Variants in ALG13 observed in about 807,000 individuals in gnomAD.
ALG13 encodes the protein ALG13 UDP-N-acetylglucosaminyltransferase subunit.
ALG13 carries 11 observed loss-of-function variants against 87.8 expected under a neutral mutation model. That is an observed-to-expected ratio of 0.13 (90% CI 0.08 to 0.21). The LOEUF (loss-of-function observed/expected upper bound fraction) is 0.21. Among genes scored for constraint, ALG13 ranks in the 10% least tolerant of loss-of-function variants. ALG13 has a pLI of 1.00. For synonymous variants in ALG13, 320 were observed against 306.3 expected (o/e 1.04, Z -0.47); for missense variants, 756 against 866.1 (o/e 0.87, Z 1.60).
chrX:111,735,055 T>A lies in ALG13; in HGVS notation c.2462T>A (p.Leu821His). The change falls in exon 22 of 27, where the codon CTT becomes CAT. Residue 821 changes from leucine to histidine, a missense_variant. By Grantham distance (99) the Leu-to-His change is moderately conservative. Transcript: ENST00000394780. ...AACTATATTTTTGTATTAAAGTCTC[T>A]TCAGGACAGAAAGTCATGTTCTATG... The part of the protein sequence containing the change: ...STTASTANLS[L>H]QDRKSCSMSP... 1 of 1,165,665 alleles carries A rather than the reference T, an allele frequency of 8.6e-7. No individual in the cohort carries two copies. Among genetic ancestry groups the A allele is most frequent in the Non-Finnish European group, 1.2e-6 (1 of 856,723 alleles).
intron 3 of ALG13, among the ~76,000 whole-genome samples, chrX:111,695,638 G>A: frequency 8.9e-6 from 1 of 111,744 alleles, no homozygotes; most frequent in Non-Finnish European, 1.9e-5. Flanking sequence ...AGGTGGAAAT[G>A]GGGAAGAGAA....
intron 3 of ALG13, among the ~76,000 whole-genome samples, chrX:111,697,301 T>C (rs747464957): frequency 1.8e-5 from 2 of 111,805 alleles, no homozygotes; most frequent in African/African-American, 3.2e-5. Context: ...ATCTCAAGGA[T>C]AGGATTATAA....
chrX:111,746,838 C>G (rs988576018), intron 24 of ALG13, among the ~76,000 whole-genome samples: 1 of 111,860 alleles, frequency 8.9e-6, no homozygotes, highest in African/African-American at 3.2e-5. Context: ...TGCTCACCAA[C>G]GTTTATTGTC....
chrX:111,728,274 T>A lies in ALG13; in HGVS notation c.2337T>A (p.Asn779Lys). The A allele has an allele frequency of 8.3e-7, 1 of 1,211,555 alleles. No individual in the cohort carries two copies. Among genetic ancestry groups the A allele is most frequent in the South Asian group, 1.8e-5 (1 of 56,955 alleles). ...ATAGCTCAGGCAAACAGACTTTGAA[T>A]TTAGAGGAGGGCAATGGCCAGAGTG... ...RGHSSGKQTL[N>K]LEEGNGQSEN... Residue 779 changes from asparagine to lysine, a missense_variant, in exon 19 of 27, where the codon AAT (asparagine) becomes AAA (lysine). Around this residue, in one of 9 missense-constraint regions of ALG13, gnomAD observed 362 missense variants for 383.5 expected, o/e 0.94. Transcript: ENST00000394780.
chrX:111,703,320 C>T (rs1197197877), intron 3 of ALG13, among the ~76,000 whole-genome samples: 1 of 110,736 alleles, frequency 9.0e-6, no homozygotes, highest in Non-Finnish European at 1.9e-5. Context: ...TTTTTCTTCC[C>T]AATATTGTTG....
chrX:111,711,936 A>G (rs1423207019), intron 6 of ALG13, among the ~76,000 whole-genome samples: 1 of 111,942 alleles, frequency 8.9e-6, no homozygotes, highest in Non-Finnish European at 1.9e-5. Context: ...TAATCCCATC[A>G]ACCATAGACT....
chrX:111,681,285 C>T lies in ALG13; in HGVS notation c.67C>T (p.Pro23Ser). 8.2e-7 allele frequency: 1 copy of T among 1,212,230 alleles called. No homozygotes were observed. The change falls in exon 1 of 27, where the codon CCC becomes TCC. Residue 23 changes from proline to serine, a missense_variant. Physicochemically the swap from Pro to Ser is moderately conservative, Grantham distance 74 (BLOSUM62 -1). Coordinates refer to ENST00000394780, the MANE Select transcript of ALG13 (RefSeq NM_001099922.3). ...CGACCTCATTGCGTGTGTGTCGGCG[C>T]CCGACAGTCTGCAAGTGAGTGAGGG... is the stretch of plus-strand genomic sequence containing the variant. ...FDDLIACVSAPDSLQKIESLG... is the reference protein window; with the variant it reads ...FDDLIACVSASDSLQKIESLG...
At chrX:111,729,786 T>C (rs1942471513) in intron 19 of ALG13, among the ~76,000 whole-genome samples, 1 of 112,201 alleles carries the variant, frequency 8.9e-6, no homozygotes, top group African/African-American at 3.2e-5. Context: ...GACACACTCA[T>C]TTTACATGTA....
intron 23 of ALG13, among the ~76,000 whole-genome samples, chrX:111,741,412 G>T (rs1943725034): frequency 8.9e-6 from 1 of 112,134 alleles, no homozygotes; most frequent in Admixed American, 9.4e-5. Context: ...AACAACAGTT[G>T]GTTATGGTAG....
chrX:111,742,391 C>T (rs1486364083), intron 23 of ALG13, among the ~76,000 whole-genome samples: 1 of 106,956 alleles, frequency 9.3e-6, no homozygotes, highest in African/African-American at 3.4e-5. Context: ...AGTCTTTTGC[C>T]AGGGCTGGGA....
chrX:111,718,352 T>G, intron 10 of ALG13, 78 bp downstream of exon 10: 1 of 892,271 alleles, frequency 1.1e-6, no homozygotes, highest in Non-Finnish European at 1.5e-6. Flanking sequence ...GGAAGGGGCC[T>G]GGCAAGCTTA....
At chrX:111,723,025 G>T (rs964431169) in intron 13 of ALG13, among the ~76,000 whole-genome samples, 168 bp downstream of exon 13, 1 of 111,084 alleles carries the variant, frequency 9.0e-6, no homozygotes, top group African/African-American at 3.3e-5. Flanking sequence ...CATGATCCTG[G>T]CTCACTGCAG....
Position 111,721,717 on chromosome X carries a change from G to T in ALG13, c.1435+6G>T. 8.9e-7 allele frequency: 1 copy of T among 1,126,633 alleles called. No homozygotes were observed. Among genetic ancestry groups the T allele is most frequent in the Admixed American group, 2.3e-5 (1 of 43,814 alleles). The allele number at this position is 1,126,633 out of a possible 1,213,427, so 92.8% of individuals were successfully genotyped here. A position where few individuals can be genotyped will look rare whatever the true frequency, so the allele number is the denominator to read the frequency against. On this transcript the variant is annotated splice_donor_region_variant and intron_variant, in intron 12 of 26. Transcript: ENST00000394780. ...TTGGTTGGACAGCAGAAAAGGTAAAGAAATATCAACAGGATACTTTTGAAT... is the reference window on the plus strand; with the variant it reads ...TTGGTTGGACAGCAGAAAAGGTAAATAAATATCAACAGGATACTTTTGAAT...
chrX:111,682,120 T>G lies in ALG13; in HGVS notation c.82-12T>G, dbSNP rs1222762490. ...GTTTAAAAGGCCCTCACATTCTGAT[T>G]TCCTCTTTCAGAAAATCGAGAGCCT... On this transcript the variant is annotated splice_polypyrimidine_tract_variant and intron_variant, in intron 1 of 26. Coordinates refer to ENST00000394780, the MANE Select transcript of ALG13 (RefSeq NM_001099922.3). 8.6e-7 allele frequency: 1 copy of G among 1,165,922 alleles called. No individual in the cohort carries two copies. Among genetic ancestry groups the G allele is most frequent in the Admixed American group, 2.6e-5 (1 of 38,457 alleles).
chrX:111,718,639 C>T (rs181353299), intron 10 of ALG13, among the ~76,000 whole-genome samples: 1 of 112,098 alleles, frequency 8.9e-6, no homozygotes, highest in East Asian at 2.8e-4. Flanking sequence ...GTTTTTTAAA[C>T]AAGTGTGCCT....
intron 25 of ALG13, among the ~76,000 whole-genome samples, chrX:111,754,387 C>T (rs759688358): frequency 8.9e-6 from 1 of 111,786 alleles, no homozygotes; most frequent in East Asian, 2.8e-4. Flanking sequence ...CCTCTCTCAC[C>T]ACTCCTATTC....
chrX:111,747,710 C>T (rs1343802523), intron 24 of ALG13, among the ~76,000 whole-genome samples: 1 of 111,869 alleles, frequency 8.9e-6, no homozygotes, highest in Non-Finnish European at 1.9e-5. Flanking sequence ...TGGTCTTGAA[C>T]TCCTGACCTC....
At chrX:111,692,115 TTTC>T (rs1936255919) in intron 3 of ALG13, among the ~76,000 whole-genome samples, 1 of 111,497 alleles carries the variant, frequency 9.0e-6, no homozygotes, top group Non-Finnish European at 1.9e-5. Context: ...TGAAATCATA[TTTC>T]TTTTCATTCT....
chrX:111,746,377 A>G (rs921338924), intron 24 of ALG13, among the ~76,000 whole-genome samples: 2 of 111,983 alleles, frequency 1.8e-5, no homozygotes, highest in South Asian at 7.3e-4. Context: ...TTTTTCTACC[A>G]TAGATTAGTT....
Sources: gnomAD v4.1 joint callset for allele counts (sites outside exome capture counted in the v4.1 genomes callset) on GRCh38, gnomAD v4.1.1 for gene constraint, gnomAD v4.1.1 regional missense constraint, MANE v1.5 for transcripts, NCBI Gene and HGNC (gene_info 2026-07-23, HGNC 2026-07-21) for gene names.